Variants in GRIK2 observed in about 807,000 individuals in gnomAD.
GRIK2 encodes the protein glutamate ionotropic receptor kainate type subunit 2, also known as glutamate receptor ionotropic, kainate 2.
A neutral mutation model predicts 100.3 loss-of-function variants in GRIK2; 32 were observed. The ratio of observed to expected loss-of-function variants is 0.32; its 90% confidence interval spans 0.24 to 0.43. GRIK2 has a LOEUF of 0.43. Ranked by LOEUF, GRIK2 falls within the 20% of genes least tolerant of loss-of-function variation. The pLI is 1.00. For missense variants in GRIK2, 843 were observed against 1,114.9 expected, an observed-to-expected ratio of 0.76 and a Z score of 3.47; for synonymous variants, 417 against 389.4, an observed-to-expected ratio of 1.07 and a Z score of -0.83.
At chr6:101,543,254 G>A (rs1255617707) in intron 2 of GRIK2, among the ~76,000 whole-genome samples, 4 of 152,148 alleles carry the variant, frequency 2.6e-5, no homozygotes, top group Non-Finnish European at 5.9e-5. Flanking sequence ...ATTTTCTTCT[G>A]TGCCAGAATG....
intron 4 of GRIK2, among the ~76,000 whole-genome samples, chr6:101,651,994 G>A (rs917799211): frequency 4.6e-5 from 7 of 152,162 alleles, no homozygotes; most frequent in African/African-American, 1.7e-4. Context: ...TCATGACAAA[G>A]AAGCAGAGAA....
At chr6:102,066,820 G>A (rs549893537) in intron 16 of GRIK2, among the ~76,000 whole-genome samples, 126 of 151,792 alleles carry the variant, frequency 8.3e-4, no homozygotes, top group Non-Finnish European at 1.6e-3. Context: ...GATTATCCGG[G>A]TAATTGTGAA....
intron 14 of GRIK2, among the ~76,000 whole-genome samples, chr6:101,963,329 G>T (rs1792431853): frequency 1.4e-5 from 1 of 73,836 alleles, no homozygotes. Flanking sequence ...ATGGAGTCTA[G>T]CTCTGTCGCC....
At chr6:101,484,909 T>C (rs1772736180) in intron 2 of GRIK2, among the ~76,000 whole-genome samples, 1 of 152,138 alleles carries the variant, frequency 6.6e-6, no homozygotes. Context: ...CTGGAAACAT[T>C]TATCACTTTT....
chr6:101,753,335 A>C (rs1210886177), intron 7 of GRIK2, among the ~76,000 whole-genome samples: 1 of 151,962 alleles, frequency 6.6e-6, no homozygotes, highest in Admixed American at 6.6e-5. Context: ...CCAACTTCCA[A>C]AACACTTTTG....
chr6:101,655,915 G>A (rs1438270199), intron 4 of GRIK2, among the ~76,000 whole-genome samples: 1 of 152,120 alleles, frequency 6.6e-6, no homozygotes, highest in Non-Finnish European at 1.5e-5. Flanking sequence ...GAAGAGCTTA[G>A]TATGAGATGG....
At chr6:101,928,150 AT>A in intron 13 of GRIK2, 1 of 426,286 alleles carries the variant, frequency 2.3e-6, no homozygotes, top group Non-Finnish European at 4.2e-6. Context: ...ACTCATTAAT[AT>A]TTTAATTGGA....
chr6:101,686,105 A>T, intron 6 of GRIK2, 75 bp from the exon 7 acceptor site: 1 of 1,264,142 alleles, frequency 7.9e-7, no homozygotes, highest in Non-Finnish European at 1.1e-6. Context: ...AAACAAAAAA[A>T]GTGACTATTT....
At chr6:101,817,860 T>C (rs1781728843) in intron 9 of GRIK2, among the ~76,000 whole-genome samples, 1 of 152,220 alleles carries the variant, frequency 6.6e-6, no homozygotes, top group Non-Finnish European at 1.5e-5. Context: ...TCTCCAAAGA[T>C]AATTCTGGGC....
intron 14 of GRIK2, among the ~76,000 whole-genome samples, chr6:102,015,556 A>G (rs1401667480): frequency 6.6e-6 from 1 of 152,170 alleles, no homozygotes; most frequent in Non-Finnish European, 1.5e-5. Context: ...TTTGCCCCCC[A>G]GATCATACTG....
chr6:101,924,785 C>T, intron 13 of GRIK2, 66 bp downstream of exon 13: 2 of 977,912 alleles, frequency 2.0e-6, no homozygotes, highest in Non-Finnish European at 3.3e-6. Flanking sequence ...GGTGACAGCT[C>T]TTGCTGGCAC....
At chr6:101,835,844 A>G (rs1783048394) in intron 10 of GRIK2, among the ~76,000 whole-genome samples, 1 of 137,080 alleles carries the variant, frequency 7.3e-6, no homozygotes, top group South Asian at 2.4e-4. Context: ...GTTTTCCTCT[A>G]GCCTCTGAAG....
chr6:101,863,927 G>A (rs1365901665), intron 11 of GRIK2, among the ~76,000 whole-genome samples: 1 of 151,572 alleles, frequency 6.6e-6, no homozygotes, highest in Non-Finnish European at 1.5e-5. Context: ...CATGAGGTCA[G>A]GAGATCGAGA....
chr6:101,587,044 C>T (rs9485516), intron 2 of GRIK2, among the ~76,000 whole-genome samples: 37,043 of 151,616 alleles, frequency 0.24, 4,720 homozygotes, highest in African/African-American at 0.32. Flanking sequence ...ATTTTATTCA[C>T]AGGGTTGAGG....
intron 7 of GRIK2, among the ~76,000 whole-genome samples, chr6:101,699,150 A>G (rs966398441): frequency 6.6e-6 from 1 of 152,152 alleles, no homozygotes; most frequent in African/African-American, 2.4e-5. Flanking sequence ...AAGTGCTACC[A>G]CAGTGCTAGA....
At chr6:101,882,030 C>A (rs1221322459) in intron 11 of GRIK2, among the ~76,000 whole-genome samples, 1 of 151,940 alleles carries the variant, frequency 6.6e-6, no homozygotes, top group African/African-American at 2.4e-5. Flanking sequence ...CACATGGTGG[C>A]AGACAAGAGA....
chr6:101,712,979 A>C (rs550245414), intron 7 of GRIK2, among the ~76,000 whole-genome samples: 1 of 151,842 alleles, frequency 6.6e-6, no homozygotes, highest in Non-Finnish European at 1.5e-5. Flanking sequence ...GTGTACAGAC[A>C]AAAACATACC....
rs1775123148 is a variant in GRIK2, at chr6:101,398,892, G to T, written c.-293-93G>T. The T allele has an allele frequency of 2.6e-5, 11 of 422,328 alleles. No individual in the cohort carries two copies. The South Asian group carries it at 9.9e-4, about 38-fold the overall frequency. 26.2% of individuals were successfully genotyped at this position (422,328 alleles called of 1,614,324 possible). The stretch of plus-strand genomic sequence containing the variant: ...CTGGCAAAACCTTTGCTAGCAAAGC[G>T]CCTTTTGTGCCGGGCTGTGGCTCGC... On this transcript the variant is annotated intron_variant, in intron 1 of 16. Coordinates refer to ENST00000369134, the MANE Select transcript of GRIK2 (RefSeq NM_021956.5).
At chr6:102,010,587 A>T (rs1230671943) in intron 14 of GRIK2, among the ~76,000 whole-genome samples, 1 of 151,820 alleles carries the variant, frequency 6.6e-6, no homozygotes, top group African/African-American at 2.4e-5. Context: ...GGGTTTCACC[A>T]TGTTAGCCAG....
Sources: gnomAD v4.1 joint callset for allele counts (sites outside exome capture counted in the v4.1 genomes callset) on GRCh38, gnomAD v4.1.1 for gene constraint, MANE v1.5 for transcripts, NCBI Gene and HGNC (gene_info 2026-07-23, HGNC 2026-07-21) for gene names.